The following COL4A1 variants were observed in gnomAD, a reference collection of about 807,000 sequenced individuals.
COL4A1 encodes the protein collagen alpha-1(IV) chain.
Under a neutral mutation model 216.6 loss-of-function variants are expected in COL4A1, and 40 were observed. The observed-to-expected ratio is 0.18, with a 90% CI of 0.14 to 0.24. The LOEUF (loss-of-function observed/expected upper bound fraction) is 0.24. Ranked by LOEUF, COL4A1 falls within the 10% of genes least tolerant of loss-of-function variation. The probability of loss-of-function intolerance (pLI) is 1.00; values close to 1 mark genes in which losing one functional copy is unlikely to be tolerated. For synonymous variants in COL4A1, 839 were observed against 810.7 expected (o/e 1.03, Z -0.59); for missense variants, 1,628 against 2,196.8 (o/e 0.74, Z 5.18).
intron 49 of COL4A1, among the ~76,000 whole-genome samples, chr13:110,155,717 C>A (rs546523144): frequency 6.6e-6 from 1 of 152,252 alleles, no homozygotes; most frequent in East Asian, 1.9e-4. Flanking sequence ...TCAAGTCCAG[C>A]CTGACCAACA....
chr13:110,283,765 C>G (rs1271760846), intron 1 of COL4A1, among the ~76,000 whole-genome samples: 1 of 152,214 alleles, frequency 6.6e-6, no homozygotes, highest in African/African-American at 2.4e-5. Context: ...TCCCACCATA[C>G]TAAGCCAGGC....
At chr13:110,150,997 C>A (rs1008731752) in intron 51 of COL4A1, among the ~76,000 whole-genome samples, 2 of 151,982 alleles carry the variant, frequency 1.3e-5, no homozygotes, top group Non-Finnish European at 2.9e-5. Context: ...GCTTTGAGAC[C>A]AAAAAGAGGG....
chr13:110,287,381 C>T (rs866737129), intron 1 of COL4A1, among the ~76,000 whole-genome samples: 1 of 152,234 alleles, frequency 6.6e-6, no homozygotes, highest in Non-Finnish European at 1.5e-5. Flanking sequence ...AAATACTCCC[C>T]TACTTCGTGC....
Position 110,307,060 on chromosome 13 carries a change from C to T in COL4A1, c.-33G>A. On this transcript the variant is annotated 5_prime_UTR_variant, in exon 1 of 52. Coordinates refer to ENST00000375820, the MANE Select transcript of COL4A1 (RefSeq NM_001845.6). The surrounding 1 kb of genome is among the most constrained non-coding windows in gnomAD (Gnocchi z 5.0). Reference sequence around the variant, plus strand: ...CGCCCGAGGCGGCGAGGGACGGCTGCCCGGCGTGCGGGGGCCGCGGCGGAC... The same window carrying T: ...CGCCCGAGGCGGCGAGGGACGGCTGTCCGGCGTGCGGGGGCCGCGGCGGAC... The T allele has an allele frequency of 1.4e-6, 2 of 1,433,442 alleles. No homozygotes were observed. 88.8% of individuals were successfully genotyped at this position (1,433,442 alleles called of 1,614,324 possible).
chr13:110,233,455 G>A (rs978792565), intron 2 of COL4A1, among the ~76,000 whole-genome samples: 1 of 152,242 alleles, frequency 6.6e-6, no homozygotes. Flanking sequence ...CAGATACTTT[G>A]GGGGGTGGAA....
chr13:110,246,843 G>A (rs1205951087), intron 1 of COL4A1, among the ~76,000 whole-genome samples: 1 of 152,168 alleles, frequency 6.6e-6, no homozygotes, highest in African/African-American at 2.4e-5. Context: ...AGTTCCTGGA[G>A]CAATGCCTGT....
At chr13:110,184,880 G>C (rs1878333739) in intron 26 of COL4A1, among the ~76,000 whole-genome samples, 2 of 152,092 alleles carry the variant, frequency 1.3e-5, no homozygotes. Flanking sequence ...ATGTTGGCCA[G>C]GCAGGCCTCG....
chr13:110,187,636 C>G (rs1357572639), intron 24 of COL4A1, among the ~76,000 whole-genome samples: 2 of 152,084 alleles, frequency 1.3e-5, no homozygotes, highest in African/African-American at 4.8e-5. Flanking sequence ...GTTTTCTTAC[C>G]CTAACAACTG....
At chr13:110,297,347 T>A (rs1405057982) in intron 1 of COL4A1, among the ~76,000 whole-genome samples, 1 of 152,132 alleles carries the variant, frequency 6.6e-6, no homozygotes, top group Non-Finnish European at 1.5e-5. Context: ...CTTCACAGCA[T>A]GAAATCTTAT....
chr13:110,166,028 G>A (rs1312908422), intron 45 of COL4A1, among the ~76,000 whole-genome samples: 3 of 152,172 alleles, frequency 2.0e-5, no homozygotes, highest in Non-Finnish European at 4.4e-5. Flanking sequence ...GGATTTATCA[G>A]ATTCTACTTT....
At chr13:110,299,638 C>T (rs1762409260) in intron 1 of COL4A1, among the ~76,000 whole-genome samples, 1 of 152,212 alleles carries the variant, frequency 6.6e-6, no homozygotes, top group Non-Finnish European at 1.5e-5. Context: ...GGTGCACAAC[C>T]AGTGTGTCCC....
intron 2 of COL4A1, among the ~76,000 whole-genome samples, chr13:110,236,401 T>C (rs866597179): frequency 1.3e-5 from 2 of 152,204 alleles, no homozygotes; most frequent in Non-Finnish European, 2.9e-5. Context: ...TCATTTTGCA[T>C]CTCTCAAAGT....
At chr13:110,173,517 C>A (rs1246652189) in intron 40 of COL4A1, among the ~76,000 whole-genome samples, 3 of 152,024 alleles carry the variant, frequency 2.0e-5, no homozygotes, top group Admixed American at 2.0e-4. Flanking sequence ...ATATTTCCAA[C>A]CATTTCCCCT....
At chr13:110,254,036 C>A (rs1299254800) in intron 1 of COL4A1, among the ~76,000 whole-genome samples, 1 of 152,012 alleles carries the variant, frequency 6.6e-6, no homozygotes, top group African/African-American at 2.4e-5. Context: ...CAACATGATA[C>A]CACACATGGA....
intron 1 of COL4A1, among the ~76,000 whole-genome samples, chr13:110,247,790 C>CGTGT (rs56086913): frequency 0.014 from 833 of 57,760 alleles, 23 homozygotes; most frequent in African/African-American, 0.036. Context: ...CTATGCTACT[C>CGTGT]GTGTGTGTGT....
chr13:110,214,093 C>CTA (rs200260893), intron 2 of COL4A1, 78 bp from the exon 3 acceptor site: 7 of 1,131,320 alleles, frequency 6.2e-6, no homozygotes, highest in African/African-American at 3.1e-5. Context: ...ACTGTGATGG[C>CTA]TATATATATA....
chr13:110,253,655 G>A (rs57104077), intron 1 of COL4A1, among the ~76,000 whole-genome samples: 5 of 130,868 alleles, frequency 3.8e-5, no homozygotes, highest in African/African-American at 1.1e-4. Flanking sequence ...TTACATATAC[G>A]TATAATTATA....
At chr13:110,289,424 C>T (rs552162898) in intron 1 of COL4A1, among the ~76,000 whole-genome samples, 2 of 152,254 alleles carry the variant, frequency 1.3e-5, no homozygotes, top group Non-Finnish European at 2.9e-5. Context: ...GGACAAGGCC[C>T]TGCGCACCCA....
chr13:110,182,859 A>C (rs974601242), intron 28 of COL4A1, 134 bp downstream of exon 28: 7 of 781,006 alleles, frequency 9.0e-6, no homozygotes, highest in Non-Finnish European at 1.5e-5. Context: ...TGGGCTCAGC[A>C]CTGCTTGGGC....
Sources: allele counts gnomAD v4.1 joint callset (sites outside exome capture counted in the v4.1 genomes callset), GRCh38; gene constraint gnomAD v4.1.1; non-coding constraint Gnocchi (gnomAD v3.1); transcripts MANE v1.5; gene names NCBI Gene and HGNC (gene_info 2026-07-23, HGNC 2026-07-21).